Variants in FAF1 observed in about 807,000 individuals in gnomAD.
The protein encoded by FAF1 is Fas associated factor 1.
FAF1 carries 25 observed loss-of-function variants against 92.5 expected under a neutral mutation model. The observed-to-expected ratio is 0.27, with a 90% CI of 0.20 to 0.38. The LOEUF (loss-of-function observed/expected upper bound fraction) is 0.38. Ranked by LOEUF, FAF1 falls within the 10% of genes least tolerant of loss-of-function variation. FAF1 has a pLI of 1.00. For missense variants in FAF1, 636 were observed against 793.3 expected (o/e 0.80, Z 2.38); for synonymous variants, 234 against 273.2 (o/e 0.86, Z 1.42).
intron 7 of FAF1, among the ~76,000 whole-genome samples, chr1:50,667,211 A>C (rs1655679374): frequency 6.6e-6 from 1 of 152,220 alleles, no homozygotes; most frequent in South Asian, 2.1e-4. Flanking sequence ...AAAATAGTTA[A>C]ACTTTATCAT....
At chr1:50,772,010 T>C (rs1382887410) in intron 4 of FAF1, among the ~76,000 whole-genome samples, 1 of 152,128 alleles carries the variant, frequency 6.6e-6, no homozygotes, top group Admixed American at 6.5e-5. Context: ...AAGCAGAGAT[T>C]ATGGATAAGT....
At chr1:50,828,220 A>G (rs1644120069) in intron 2 of FAF1, among the ~76,000 whole-genome samples, 1 of 152,098 alleles carries the variant, frequency 6.6e-6, no homozygotes, top group Non-Finnish European at 1.5e-5. Flanking sequence ...TTTATGACAA[A>G]GATGGCACTG....
At position 50,703,739 on chromosome 1, in the gene FAF1, C is replaced by T. The variant is rs1456635848; in HGVS notation, c.657+2047G>A. Among the ~76,000 whole-genome samples, 5 of 152,056 alleles carry T rather than the reference C, an allele frequency of 3.3e-5. No individual in the cohort carries two copies. In the East Asian group the frequency reaches 9.6e-4, roughly 29 times the overall value. Reference sequence around the variant, plus strand: ...GATTTACTGTTTTAAGTCCTTGAAGCTTAAGATATATTTGATAATCTACAT... The same window carrying T: ...GATTTACTGTTTTAAGTCCTTGAAGTTTAAGATATATTTGATAATCTACAT... On this transcript the variant is annotated intron_variant, in intron 7 of 18. Transcript: ENST00000396153.
At chr1:50,651,652 C>A (rs1455306627) in intron 8 of FAF1, among the ~76,000 whole-genome samples, 1 of 152,178 alleles carries the variant, frequency 6.6e-6, no homozygotes, top group Non-Finnish European at 1.5e-5. Flanking sequence ...TTATGGCACA[C>A]TGTCTTGGAA....
intron 4 of FAF1, among the ~76,000 whole-genome samples, chr1:50,757,221 G>A (rs1660111777): frequency 6.6e-6 from 1 of 152,152 alleles, no homozygotes; most frequent in African/African-American, 2.4e-5. Context: ...CTGTTATAAT[G>A]AGGAGTATTA....
intron 1 of FAF1, among the ~76,000 whole-genome samples, chr1:50,899,114 A>C (rs1644777118): frequency 6.6e-6 from 1 of 152,110 alleles, no homozygotes; most frequent in African/African-American, 2.4e-5. Flanking sequence ...ACTAGTATAC[A>C]AGTTCACTAG....
intron 1 of FAF1, among the ~76,000 whole-genome samples, chr1:50,887,763 C>T (rs918729153): frequency 3.9e-5 from 6 of 152,170 alleles, no homozygotes; most frequent in African/African-American, 1.4e-4. Flanking sequence ...CAGTACCATG[C>T]TGTTTTGGTT....
rs1646141994 is a variant in FAF1 at position 50,438,108 on chromosome 1, C to G, written c.*3332G>C. The G allele has an allele frequency of 6.6e-6, 1 of 151,696 alleles. No individual in the cohort carries two copies. The highest frequency in any genetic ancestry group is 1.5e-5 in the Non-Finnish European group (1 of 67,990). The allele number at this position is 151,696 out of a possible 1,614,324, so 9.4% of individuals were successfully genotyped here. ...TAGAGTTAGCACTTTAAGTCCTGAC[C>G]CTTCTACTGACATGCTGTGTGATTT... On this transcript the variant is annotated 3_prime_UTR_variant, in exon 19 of 19. Coordinates refer to ENST00000396153, the MANE Select transcript of FAF1 (RefSeq NM_007051.3).
At chr1:50,701,572 G>A (rs556791908) in intron 7 of FAF1, among the ~76,000 whole-genome samples, 1 of 152,048 alleles carries the variant, frequency 6.6e-6, no homozygotes, top group African/African-American at 2.4e-5. Flanking sequence ...CAAAATATAC[G>A]CTAGTCAAGC....
At chr1:50,544,264 A>G (rs1000104808) in intron 13 of FAF1, among the ~76,000 whole-genome samples, 1 of 152,214 alleles carries the variant, frequency 6.6e-6, no homozygotes, top group African/African-American at 2.4e-5. Context: ...AGAGTATATG[A>G]CTAAGCTAGG....
intron 5 of FAF1, among the ~76,000 whole-genome samples, chr1:50,740,327 G>T (rs1659331726): frequency 6.6e-6 from 1 of 152,038 alleles, no homozygotes; most frequent in Non-Finnish European, 1.5e-5. Flanking sequence ...AAAAGGTGAA[G>T]GAAGCAAACC....
chr1:50,650,927 A>C (rs974821836), intron 8 of FAF1, among the ~76,000 whole-genome samples: 1 of 152,222 alleles, frequency 6.6e-6, no homozygotes, highest in Non-Finnish European at 1.5e-5. Flanking sequence ...CAAAGAGTAC[A>C]AAAGGAACGG....
intron 17 of FAF1, among the ~76,000 whole-genome samples, chr1:50,477,320 C>A (rs1256130984): frequency 6.6e-6 from 1 of 152,102 alleles, no homozygotes; most frequent in Non-Finnish European, 1.5e-5. Context: ...GCATCTGACA[C>A]ATAATAGGCT....
At chr1:50,749,206 T>C (rs1010117408) in intron 4 of FAF1, among the ~76,000 whole-genome samples, 1 of 152,206 alleles carries the variant, frequency 6.6e-6, no homozygotes, top group African/African-American at 2.4e-5. Context: ...TTTCTAGAGC[T>C]GTACCTGTCT....
At chr1:50,686,581 G>A (rs905512321) in intron 7 of FAF1, among the ~76,000 whole-genome samples, 1 of 136,148 alleles carries the variant, frequency 7.3e-6, no homozygotes, top group Non-Finnish European at 1.6e-5. Flanking sequence ...GGAGGGAAGG[G>A]GAGAGGAGGG....
intron 1 of FAF1, among the ~76,000 whole-genome samples, chr1:50,886,615 G>A (rs1644667943): frequency 6.6e-6 from 1 of 151,804 alleles, no homozygotes; most frequent in Non-Finnish European, 1.5e-5. Flanking sequence ...ACCTATGAGT[G>A]AGAACATGTG....
intron 2 of FAF1, chr1:50,846,566 G>C (rs184998411): frequency 8.8e-5 from 46 of 524,008 alleles, no homozygotes; most frequent in African/African-American, 8.3e-4. Context: ...GGAAAAAGGA[G>C]CAATAGTGAG....
At chr1:50,575,547 A>G (rs1650688390) in intron 12 of FAF1, among the ~76,000 whole-genome samples, 1 of 152,190 alleles carries the variant, frequency 6.6e-6, no homozygotes, top group South Asian at 2.1e-4. Context: ...TCTACTTAAA[A>G]TGCATCTGTA....
At chr1:50,925,581 C>G (rs1259242895) in intron 1 of FAF1, among the ~76,000 whole-genome samples, 2 of 152,046 alleles carry the variant, frequency 1.3e-5, no homozygotes, top group African/African-American at 2.4e-5. Flanking sequence ...TGGCTATTAT[C>G]AAAGACAAAA....
Sources: allele counts gnomAD v4.1 joint callset (sites outside exome capture counted in the v4.1 genomes callset), GRCh38; gene constraint gnomAD v4.1.1; transcripts MANE v1.5; gene names NCBI Gene and HGNC (gene_info 2026-07-23, HGNC 2026-07-21).